The following BIRC6 variants were observed in gnomAD, a reference collection of about 807,000 sequenced individuals.
The protein encoded by BIRC6 is dual E2 ubiquitin-conjugating enzyme/E3 ubiquitin-protein ligase BIRC6.
In BIRC6, 98 loss-of-function variants were observed where a neutral mutation model predicts 503.3. The observed-to-expected ratio is 0.19, with a 90% CI of 0.17 to 0.23. The LOEUF is 0.23. Among genes scored for constraint, BIRC6 ranks in the 10% least tolerant of loss-of-function variants. The pLI, the probability that BIRC6 is intolerant of heterozygous loss-of-function variation, is 1.00. For missense variants in BIRC6, 5,360 were observed against 5,806.0 expected (o/e 0.92, Z 2.50); for synonymous variants, 2,240 against 2,078.7 (o/e 1.08, Z -2.11).
chr2:32,499,583 C>T lies in BIRC6; in HGVS notation c.8505C>T (p.Ala2835=), dbSNP rs201816070. 2 of 1,613,176 alleles carry T rather than the reference C, an allele frequency of 1.2e-6. No homozygotes were observed. Among genetic ancestry groups the T allele is most frequent in the Non-Finnish European group, 1.7e-6 (2 of 1,179,494 alleles). ...AGACAGGCCAAGGACCTCTCGATGC[C>T]CAAGTGAAGCTCTTAGAATTCACTC... ...AFQTGQGPLD[A]QVKLLEFTLE... is the part of the protein sequence containing the mutation. Residue 2835 remains alanine, a synonymous_variant, in exon 46 of 74, where the codon GCC becomes GCT. Coordinates refer to ENST00000421745, the MANE Select transcript of BIRC6 (RefSeq NM_016252.4).
chr2:32,423,047 C>T (rs983560659), intron 10 of BIRC6, among the ~76,000 whole-genome samples: 1 of 152,158 alleles, frequency 6.6e-6, no homozygotes, highest in Non-Finnish European at 1.5e-5. Context: ...AAGTGATTCT[C>T]CTGCCTCAGC....
At chr2:32,485,568 A>T in intron 39 of BIRC6, 75 bp from the exon 40 acceptor site, 1 of 979,174 alleles carries the variant, frequency 1.0e-6, no homozygotes, top group African/African-American at 1.6e-5. Context: ...TTCAGATGTC[A>T]TCATTTTATT....
At chr2:32,473,358 A>G (rs2049317398) in intron 33 of BIRC6, 119 bp downstream of exon 33, 3 of 782,370 alleles carry the variant, frequency 3.8e-6, no homozygotes, top group Non-Finnish European at 5.9e-6. Context: ...AGCTTAGGAA[A>G]ATCATCTAAC....
At chr2:32,599,645 G>A (rs1009322974) in intron 69 of BIRC6, 94 bp from the exon 70 acceptor site, 9 of 1,346,626 alleles carry the variant, frequency 6.7e-6, no homozygotes, top group South Asian at 5.4e-5. Context: ...CTCCAAAAAC[G>A]AAGGTTGTTC....
chr2:32,485,617 C>A, intron 39 of BIRC6, 26 bp from the exon 40 acceptor site: 1 of 1,484,978 alleles, frequency 6.7e-7, no homozygotes, highest in Non-Finnish European at 9.4e-7. Flanking sequence ...TCAATGTTTT[C>A]TTTTTCTTTC....
intron 65 of BIRC6, among the ~76,000 whole-genome samples, chr2:32,559,538 T>C (rs2059009935): frequency 6.6e-6 from 1 of 152,180 alleles, no homozygotes; most frequent in South Asian, 2.1e-4. Context: ...TTTTATGTTG[T>C]TTTGTGCTTT....
chr2:32,463,096 A>G (rs2048178651), intron 23 of BIRC6, 98 bp from the exon 24 acceptor site: 1 of 956,006 alleles, frequency 1.0e-6, no homozygotes, highest in Non-Finnish European at 1.5e-6. Context: ...TAGTTTTAGC[A>G]TCATAATAGT....
chr2:32,598,037 A>T (rs2061787299), intron 69 of BIRC6, 69 bp downstream of exon 69: 2 of 1,318,322 alleles, frequency 1.5e-6, no homozygotes, highest in African/African-American at 3.0e-5. Flanking sequence ...AAATTTTTAT[A>T]CAAAACTGGA....
At chr2:32,398,329 A>G (rs1274702295) in intron 6 of BIRC6, among the ~76,000 whole-genome samples, 2 of 152,172 alleles carry the variant, frequency 1.3e-5, no homozygotes, top group Non-Finnish European at 2.9e-5. Flanking sequence ...AGAATGTGCT[A>G]TGTTCATATA....
intron 65 of BIRC6, among the ~76,000 whole-genome samples, chr2:32,562,858 G>C (rs1453612672): frequency 4.6e-5 from 7 of 152,082 alleles, no homozygotes. Context: ...CATCTTGATT[G>C]CTTCCTTTTT....
intron 1 of BIRC6, among the ~76,000 whole-genome samples, chr2:32,375,624 G>A (rs557520806): frequency 1.8e-4 from 27 of 152,218 alleles, no homozygotes; most frequent in Admixed American, 1.5e-3. Context: ...CATAGACTGA[G>A]GTCTCCAGCT....
chr2:32,503,142 T>C lies in BIRC6; in HGVS notation c.9405T>C (p.Ser3135=). ...CAACTATTATGAAATTTCTTGACTC[T>C]GGTCCAAATAAAGCTGTTGACAGCA... The part of the protein sequence containing the change: ...MVSTIMKFLD[S]GPNKAVDSTL... Residue 3135 remains serine, a synonymous_variant, in exon 49 of 74, where the codon TCT becomes TCC. Coordinates refer to ENST00000421745, the MANE Select transcript of BIRC6 (RefSeq NM_016252.4). The C allele has an allele frequency of 1.2e-6, 2 of 1,612,452 alleles. No individual in the cohort carries two copies. The highest frequency in any genetic ancestry group is 8.5e-7 in the Non-Finnish European group (1 of 1,179,178).
intron 71 of BIRC6, among the ~76,000 whole-genome samples, chr2:32,606,255 G>A (rs546016000): frequency 6.6e-6 from 1 of 152,238 alleles, no homozygotes; most frequent in African/African-American, 2.4e-5. Flanking sequence ...AATAAGTGGT[G>A]GTTTGGAAGT....
intron 46 of BIRC6, among the ~76,000 whole-genome samples, chr2:32,501,443 T>C (rs1206893903): frequency 1.3e-5 from 2 of 152,230 alleles, no homozygotes; most frequent in Admixed American, 1.3e-4. Context: ...GTCATTGATA[T>C]TTTAATCTCT....
rs138223235 is a variant in BIRC6, at chr2:32,448,755, G to A, written c.4485-40G>A. 3.2e-4 allele frequency: 500 copies of A among 1,579,316 alleles called. No individual in the cohort carries two copies. In the African/African-American group the frequency reaches 4.2e-3, roughly 13 times the overall value. On this transcript the variant is annotated intron_variant, in intron 21 of 73. Transcript: ENST00000421745. ...GTAAAGGTAATTTGTTAATTAGATGGCTGAAAGGAAAATTGTTAGTGCATT... is the reference window on the plus strand; with the variant it reads ...GTAAAGGTAATTTGTTAATTAGATGACTGAAAGGAAAATTGTTAGTGCATT...
At position 32,531,561 on chromosome 2, in the gene BIRC6, G is replaced by A. The variant is rs2056754910; in HGVS notation, c.12291+10G>A. 6.3e-7 allele frequency: 1 copy of A among 1,597,768 alleles called. No homozygotes were observed. On this transcript the variant is annotated intron_variant, in intron 61 of 73. Transcript: ENST00000421745. ...AGAAGTAATTCAACAGGTAAGATAA[G>A]ATTTCCTAATCGAGTATATCATTCC...
At chr2:32,593,516 T>C (rs2061504379) in intron 66 of BIRC6, among the ~76,000 whole-genome samples, 2 of 152,208 alleles carry the variant, frequency 1.3e-5, no homozygotes, top group Admixed American at 6.5e-5. Flanking sequence ...ATATGTTTTT[T>C]TTTCTTGGAA....
At chr2:32,555,437 G>A (rs941329163) in intron 65 of BIRC6, among the ~76,000 whole-genome samples, 13 of 151,030 alleles carry the variant, frequency 8.6e-5, no homozygotes, top group Middle Eastern at 3.4e-3. Flanking sequence ...TCGGGACATC[G>A]AGCCCAGCCT....
intron 9 of BIRC6, among the ~76,000 whole-genome samples, chr2:32,414,473 C>T (rs1010557402): frequency 6.6e-6 from 1 of 151,886 alleles, no homozygotes; most frequent in Non-Finnish European, 1.5e-5. Context: ...TTGAGACCAT[C>T]CTGGACAACA....
Sources: gnomAD v4.1 joint callset for allele counts (sites outside exome capture counted in the v4.1 genomes callset) on GRCh38, gnomAD v4.1.1 for gene constraint, MANE v1.5 for transcripts, NCBI Gene and HGNC (gene_info 2026-07-23, HGNC 2026-07-21) for gene names.